Variants in ILDR2 observed in about 807,000 individuals in gnomAD.
ILDR2 encodes immunoglobulin-like domain-containing receptor 2.
ILDR2 carries 25 observed loss-of-function variants against 66.8 expected under a neutral mutation model. The observed-to-expected ratio is 0.37, with a 90% CI of 0.27 to 0.52. The LOEUF (loss-of-function observed/expected upper bound fraction) is 0.52, where lower values mean the gene tolerates loss of function less well. Ranked by LOEUF, ILDR2 falls within the 20% of genes least tolerant of loss-of-function variation. The pLI, the probability that ILDR2 is intolerant of heterozygous loss-of-function variation, is 0.88. For missense variants in ILDR2, 827 were observed against 876.8 expected (o/e 0.94, Z 0.72); for synonymous variants, 367 against 357.2 (o/e 1.03, Z -0.31).
rs1217018312 is a variant in ILDR2, at chr1:166,910,343, A to C, written c.*9012T>G. 1 of 152,222 alleles carries C rather than the reference A, an allele frequency of 6.6e-6. No homozygotes were observed. The highest frequency in any genetic ancestry group is 1.5e-5 in the Non-Finnish European group (1 of 68,030). The allele number at this position is 152,222 out of a possible 1,614,324, so 9.4% of individuals were successfully genotyped here. A position where few individuals can be genotyped will look rare whatever the true frequency, so the allele number is the denominator to read the frequency against. On this transcript the variant is annotated 3_prime_UTR_variant, in exon 10 of 10. Transcript: ENST00000271417. The stretch of plus-strand genomic sequence containing the variant: ...AAAAACATAATATGGCAAGTTCTAA[A>C]CTTGCAAAGTGTAAGAAAAACATAT...
rs1374471484 is a variant in ILDR2 at position 166,910,532 on chromosome 1, AAT to A, written c.*8821_*8822del. 6.6e-6 allele frequency: 1 copy of A among 152,204 alleles called. No individual in the cohort carries two copies. Among genetic ancestry groups the A allele is most frequent in the East Asian group, 1.9e-4 (1 of 5,184 alleles). The allele number at this position is 152,204 out of a possible 1,614,324, so 9.4% of individuals were successfully genotyped here. A position where few individuals can be genotyped will look rare whatever the true frequency, so the allele number is the denominator to read the frequency against. On this transcript the variant is annotated 3_prime_UTR_variant, in exon 10 of 10. Transcript: ENST00000271417. Reference sequence around the variant, plus strand: ...CTCCATCCAATACTGGAAGGTTAGCAATAGAGTCACTCTCTTGGATGTGTGCC... The same window carrying A: ...CTCCATCCAATACTGGAAGGTTAGCAAGAGTCACTCTCTTGGATGTGTGCC...
chr1:166,939,664 G>A, intron 3 of ILDR2, 94 bp from the exon 4 acceptor site: 1 of 963,690 alleles, frequency 1.0e-6, no homozygotes, highest in African/African-American at 1.6e-5. Context: ...ATCCACACGT[G>A]CGGCCATTAG....
intron 1 of ILDR2, among the ~76,000 whole-genome samples, chr1:166,972,347 G>A (rs1663357027): frequency 6.6e-6 from 1 of 152,190 alleles, no homozygotes; most frequent in African/African-American, 2.4e-5. Context: ...CACAGCTCCA[G>A]CGTTTCTCAC....
At chr1:166,970,539 C>T (rs139332346) in intron 1 of ILDR2, among the ~76,000 whole-genome samples, 1 of 152,232 alleles carries the variant, frequency 6.6e-6, no homozygotes, top group African/African-American at 2.4e-5. Context: ...CATGGTTATA[C>T]AGTGATTTAT....
rs1659457879 is a variant in ILDR2, at chr1:166,910,879, CTA to C, written c.*8474_*8475del. ...TTGTTTTGCCTAATTTTAATCCATCCTATGAGTCTAGTCCTTCCTTGCTGCTT... is the reference window on the plus strand; with the variant it reads ...TTGTTTTGCCTAATTTTAATCCATCCTGAGTCTAGTCCTTCCTTGCTGCTT... On this transcript the variant is annotated 3_prime_UTR_variant, in exon 10 of 10. Transcript: ENST00000271417. 1 of 152,134 alleles carries C rather than the reference CTA, an allele frequency of 6.6e-6. No individual in the cohort carries two copies. Among genetic ancestry groups the C allele is most frequent in the Non-Finnish European group, 1.5e-5 (1 of 68,024 alleles). 9.4% of individuals were successfully genotyped at this position (152,134 alleles called of 1,614,324 possible).
At position 166,911,912 on chromosome 1, in the gene ILDR2, T is replaced by A. The variant is rs1413381962; in HGVS notation, c.*7443A>T. The A allele has an allele frequency of 6.6e-6, 1 of 151,956 alleles. No homozygotes were observed. The highest frequency in any genetic ancestry group is 6.6e-5 in the Admixed American group (1 of 15,252). 9.4% of individuals were successfully genotyped at this position (151,956 alleles called of 1,614,324 possible). The stretch of plus-strand genomic sequence containing the variant: ...ATGGGGCATAGAATGAAAAAAAATC[T>A]AACAATTGGAATTCTCAAGAGAGAG... On this transcript the variant is annotated 3_prime_UTR_variant, in exon 10 of 10. Coordinates refer to ENST00000271417, the MANE Select transcript of ILDR2 (RefSeq NM_199351.3).
Position 166,912,641 on chromosome 1 carries a change from T to C in ILDR2, c.*6714A>G, listed in dbSNP as rs934427158. ...CCAGATGCTTCAAGCAAAAACAGAT[T>C]TTCTGCTTGACAAGGCCACTAAAAT... is the stretch of plus-strand genomic sequence containing the variant. On this transcript the variant is annotated 3_prime_UTR_variant, in exon 10 of 10. Transcript: ENST00000271417. 1 of 152,158 alleles carries C rather than the reference T, an allele frequency of 6.6e-6. No homozygotes were observed. Among genetic ancestry groups the C allele is most frequent in the Non-Finnish European group, 1.5e-5 (1 of 68,022 alleles). The allele number at this position is 152,158 out of a possible 1,614,324, so 9.4% of individuals were successfully genotyped here.
rs1183528960 is a variant in ILDR2, at chr1:166,958,000, G to T, written c.148C>A (p.Gln50Lys). The change falls in exon 2 of 10, where the codon CAG (glutamine) becomes AAG (lysine). Residue 50 changes from glutamine (Q) to lysine (K), a missense_variant. Gln to Lys is a moderately conservative substitution (Grantham distance 53). This residue lies in a region of ILDR2 where 437 missense variants were observed against 523.2 expected (regional missense o/e 0.84). Coordinates refer to ENST00000271417, the MANE Select transcript of ILDR2 (RefSeq NM_199351.3). ...LRCHFSTSSH[Q>K]PAVVQWKFKS... is the part of the protein sequence containing the mutation. ...AACTTCCACTGCACAACTGCAGGCT[G>T]ATGGGAGGATGTTGAGAAGTGGCAG... The T allele has an allele frequency of 6.2e-7, 1 of 1,614,082 alleles. No individual in the cohort carries two copies. The highest frequency in any genetic ancestry group is 1.3e-5 in the African/African-American group (1 of 74,936).
intron 7 of ILDR2, 108 bp downstream of exon 7, chr1:166,926,958 AT>A (rs1407939340): frequency 3.1e-6 from 2 of 653,530 alleles, no homozygotes; most frequent in Non-Finnish European, 2.6e-6. Context: ...ACCCCTGCTA[AT>A]TCTAAGCCTG....
chr1:166,914,110 C>T lies in ILDR2; in HGVS notation c.*5245G>A, dbSNP rs1659549164. On this transcript the variant is annotated 3_prime_UTR_variant, in exon 10 of 10. Coordinates refer to ENST00000271417, the MANE Select transcript of ILDR2 (RefSeq NM_199351.3). ...GCACCATGGGCCACAGAGCAAGACC[C>T]TGTCTCAAAAAAAAAAAAAAGAAAG... The T allele has an allele frequency of 2.3e-5, 3 of 129,542 alleles. No individual in the cohort carries two copies. The highest frequency in any genetic ancestry group is 8.0e-5 in the Admixed American group (1 of 12,492). The allele number at this position is 129,542 out of a possible 1,614,324, so 8.0% of individuals were successfully genotyped here.
rs1489710851 is a variant in ILDR2 at position 166,912,491 on chromosome 1, A to C, written c.*6864T>G. 1.3e-5 allele frequency: 2 copies of C among 152,176 alleles called. No individual in the cohort carries two copies. Among genetic ancestry groups the C allele is most frequent in the Admixed American group, 1.3e-4 (2 of 15,280 alleles). The allele number at this position is 152,176 out of a possible 1,614,324, so 9.4% of individuals were successfully genotyped here. On this transcript the variant is annotated 3_prime_UTR_variant, in exon 10 of 10. Coordinates refer to ENST00000271417, the MANE Select transcript of ILDR2 (RefSeq NM_199351.3). ...CAAAAATATTTTATAAAGCTGAAAA[A>C]CCTAAATGGAATTAAAACACAAAAT... is the stretch of plus-strand genomic sequence containing the variant.
intron 7 of ILDR2, among the ~76,000 whole-genome samples, chr1:166,924,265 C>T (rs1571111717): frequency 1.3e-5 from 2 of 152,230 alleles, no homozygotes; most frequent in African/African-American, 4.8e-5. Context: ...AGAACTTTTC[C>T]TTTCTCATGA....
intron 6 of ILDR2, among the ~76,000 whole-genome samples, chr1:166,930,521 G>T (rs1221861756): frequency 1.3e-5 from 2 of 152,080 alleles, no homozygotes; most frequent in Non-Finnish European, 2.9e-5. Flanking sequence ...AAAAGCTATT[G>T]GACTTTTTAA....
chr1:166,922,893 C>T, intron 7 of ILDR2, 84 bp from the exon 8 acceptor site: 2 of 1,232,896 alleles, frequency 1.6e-6, no homozygotes, highest in Non-Finnish European at 2.4e-6. Context: ...GGGCTGAGAC[C>T]CTAGGCTCCA....
chr1:166,927,733 G>A (rs540487520), intron 6 of ILDR2, among the ~76,000 whole-genome samples: 1 of 152,298 alleles, frequency 6.6e-6, no homozygotes, highest in African/African-American at 2.4e-5. Flanking sequence ...TTAATTTCTA[G>A]ACCATATACA....
chr1:166,914,071 C>CA lies in ILDR2; in HGVS notation c.*5283dup, dbSNP rs889443337. On this transcript the variant is annotated 3_prime_UTR_variant, in exon 10 of 10. Coordinates refer to ENST00000271417, the MANE Select transcript of ILDR2 (RefSeq NM_199351.3). Reference sequence around the variant, plus strand: ...TGAGACTGCAGTGAGCTGATAGCACCACTGCACTGCACTGCACCATGGGCC... The same window carrying CA: ...TGAGACTGCAGTGAGCTGATAGCACCAACTGCACTGCACTGCACCATGGGCC... 2 of 150,502 alleles carry CA rather than the reference C, an allele frequency of 1.3e-5. No individual in the cohort carries two copies. Among genetic ancestry groups the CA allele is most frequent in the African/African-American group, 4.9e-5 (2 of 40,944 alleles). The allele number at this position is 150,502 out of a possible 1,614,324, so 9.3% of individuals were successfully genotyped here.
At chr1:166,965,358 T>C (rs1325966264) in intron 1 of ILDR2, among the ~76,000 whole-genome samples, 1 of 152,124 alleles carries the variant, frequency 6.6e-6, no homozygotes, top group African/African-American at 2.4e-5. Context: ...GGTAATTTTA[T>C]ATAATATTTT....
At chr1:166,946,630 T>A (rs1661628565) in intron 3 of ILDR2, among the ~76,000 whole-genome samples, 1 of 152,172 alleles carries the variant, frequency 6.6e-6, no homozygotes, top group African/African-American at 2.4e-5. Flanking sequence ...GTTTCAGGGA[T>A]CTGAGGCTCT....
At chr1:166,928,510 G>A (rs970387946) in intron 6 of ILDR2, among the ~76,000 whole-genome samples, 4 of 152,162 alleles carry the variant, frequency 2.6e-5, no homozygotes, top group African/African-American at 9.7e-5. Flanking sequence ...ACTTTTCAAT[G>A]GGATGTAAGC....
Sources: gnomAD v4.1 joint callset for allele counts (sites outside exome capture counted in the v4.1 genomes callset) on GRCh38, gnomAD v4.1.1 for gene constraint, gnomAD v4.1.1 regional missense constraint, MANE v1.5 for transcripts, NCBI Gene and HGNC (gene_info 2026-07-23, HGNC 2026-07-21) for gene names.